The following STXBP5L variants were observed in gnomAD, a reference collection of about 807,000 sequenced individuals.
The protein encoded by STXBP5L is syntaxin binding protein 5L.
A neutral mutation model predicts 144.5 loss-of-function variants in STXBP5L; 65 were observed. The observed-to-expected ratio is 0.45, with a 90% confidence interval of 0.37 to 0.55. The LOEUF (loss-of-function observed/expected upper bound fraction) is 0.55. Ranked by LOEUF, STXBP5L falls within the 20% of genes least tolerant of loss-of-function variation. The pLI is 0.00. For synonymous variants in STXBP5L, 505 were observed against 469.6 expected (o/e 1.08, Z -0.97); for missense variants, 1,298 against 1,405.5 (o/e 0.92, Z 1.22).
In STXBP5L at chr3:121,386,290, G is replaced by C. The variant is rs546950166; in HGVS notation, c.2587+4758G>C. Among the ~76,000 whole-genome samples the C allele has an allele frequency of 3.9e-5, 6 of 152,136 alleles. No homozygotes were observed. In the East Asian group the frequency reaches 9.7e-4, roughly 24 times the overall value. On this transcript the variant is annotated intron_variant, in intron 22 of 26. Coordinates refer to ENST00000471454, the MANE Select transcript of STXBP5L (RefSeq NM_001308330.2). Reference sequence around the variant, plus strand: ...TATGTTCAAGTGTACCCATTGTTTAGCTCCACCTTATAAGTGAGAACATGT... The same window carrying C: ...TATGTTCAAGTGTACCCATTGTTTACCTCCACCTTATAAGTGAGAACATGT...
intron 19 of STXBP5L, among the ~76,000 whole-genome samples, chr3:121,280,947 A>G (rs527237829): frequency 1.3e-5 from 2 of 151,046 alleles, no homozygotes; most frequent in African/African-American, 4.8e-5. Context: ...AAATTTTTTA[A>G]TAAGTAAATA....
chr3:120,968,433 T>A (rs990483842), intron 3 of STXBP5L, among the ~76,000 whole-genome samples: 5 of 152,198 alleles, frequency 3.3e-5, no homozygotes, highest in Non-Finnish European at 7.4e-5. Flanking sequence ...TGCTGTATGT[T>A]GGCTTCCATT....
intron 12 of STXBP5L, among the ~76,000 whole-genome samples, chr3:121,235,945 G>T (rs1161542260): frequency 1.3e-5 from 2 of 151,818 alleles, no homozygotes; most frequent in Admixed American, 6.6e-5. Context: ...TTTGTAACAA[G>T]CACCTCCTAC....
intron 22 of STXBP5L, among the ~76,000 whole-genome samples, chr3:121,393,114 A>G (rs1487039679): frequency 6.6e-6 from 1 of 151,670 alleles, no homozygotes; most frequent in African/African-American, 2.4e-5. Context: ...TTTTATTAAT[A>G]GCCATTCTGA....
intron 14 of STXBP5L, among the ~76,000 whole-genome samples, chr3:121,245,678 C>T (rs1010492141): frequency 4.6e-5 from 7 of 152,020 alleles, no homozygotes; most frequent in Admixed American, 2.0e-4. Flanking sequence ...AAGTCAATAA[C>T]TCACAAGGGA....
intron 20 of STXBP5L, among the ~76,000 whole-genome samples, chr3:121,335,523 A>G (rs1467980102): frequency 6.6e-6 from 1 of 152,156 alleles, no homozygotes; most frequent in Non-Finnish European, 1.5e-5. Context: ...ACAAAACTGG[A>G]AGCATCATGT....
chr3:121,020,851 A>T (rs891764346), intron 3 of STXBP5L, among the ~76,000 whole-genome samples: 2 of 53,464 alleles, frequency 3.7e-5, no homozygotes. Context: ...CAATACAATG[A>T]AAAAAAAAAA....
intron 7 of STXBP5L, among the ~76,000 whole-genome samples, chr3:121,132,537 G>A (rs1482890110): frequency 2.0e-5 from 3 of 152,202 alleles, no homozygotes; most frequent in Non-Finnish European, 4.4e-5. Flanking sequence ...ACTTCTCTAT[G>A]AGAACATTTC....
chr3:121,020,718 A>G (rs1330918253), intron 3 of STXBP5L, among the ~76,000 whole-genome samples: 2 of 152,138 alleles, frequency 1.3e-5, no homozygotes, highest in East Asian at 3.9e-4. Context: ...TTCTGAGAGA[A>G]TTTGCCACTA....
chr3:121,303,009 A>G (rs1345009322), intron 19 of STXBP5L, among the ~76,000 whole-genome samples: 1 of 152,260 alleles, frequency 6.6e-6, no homozygotes, highest in African/African-American at 2.4e-5. Flanking sequence ...AGCAATGGCA[A>G]CAAAAGCCAA....
intron 9 of STXBP5L, among the ~76,000 whole-genome samples, chr3:121,181,371 A>C (rs1461102212): frequency 6.6e-6 from 1 of 151,610 alleles, no homozygotes; most frequent in Non-Finnish European, 1.5e-5. Context: ...CTCACATCTC[A>C]ATACTAACAT....
At chr3:121,068,574 T>G (rs1451752971) in intron 5 of STXBP5L, among the ~76,000 whole-genome samples, 1 of 152,138 alleles carries the variant, frequency 6.6e-6, no homozygotes, top group African/African-American at 2.4e-5. Context: ...AGCATTTCTT[T>G]TACCACTTCT....
chr3:121,085,797 A>G (rs1488640428), intron 5 of STXBP5L, among the ~76,000 whole-genome samples: 1 of 152,152 alleles, frequency 6.6e-6, no homozygotes, highest in Non-Finnish European at 1.5e-5. Flanking sequence ...TATTATTGAC[A>G]TTCTTCACAT....
intron 20 of STXBP5L, among the ~76,000 whole-genome samples, chr3:121,322,347 G>A (rs187894970): frequency 5.3e-4 from 81 of 152,060 alleles, no homozygotes; most frequent in African/African-American, 1.9e-3. Flanking sequence ...GTGTGGTGGT[G>A]CATGCCTGCA....
intron 14 of STXBP5L, 92 bp from the exon 15 acceptor site, chr3:121,250,631 G>A: frequency 9.7e-7 from 1 of 1,033,720 alleles, no homozygotes; most frequent in Non-Finnish European, 1.4e-6. Flanking sequence ...AATCAAAATT[G>A]TATCAACAGT....
intron 3 of STXBP5L, among the ~76,000 whole-genome samples, chr3:121,028,291 G>A (rs1946099224): frequency 6.6e-6 from 1 of 151,902 alleles, no homozygotes; most frequent in African/African-American, 2.4e-5. Flanking sequence ...AACTTTTTCA[G>A]GCTATAGCAG....
At chr3:120,982,674 C>A (rs1366804180) in intron 3 of STXBP5L, among the ~76,000 whole-genome samples, 1 of 152,284 alleles carries the variant, frequency 6.6e-6, no homozygotes, top group South Asian at 2.1e-4. Context: ...AGGAACACTG[C>A]TGCTTTGTAT....
intron 5 of STXBP5L, among the ~76,000 whole-genome samples, chr3:121,101,597 C>A (rs145090172): frequency 6.6e-6 from 1 of 151,992 alleles, no homozygotes; most frequent in Non-Finnish European, 1.5e-5. Context: ...ATGGTAAGAG[C>A]TATTTATGAT....
At chr3:121,162,135 T>C (rs2046343731) in intron 9 of STXBP5L, among the ~76,000 whole-genome samples, 1 of 152,134 alleles carries the variant, frequency 6.6e-6, no homozygotes, top group Non-Finnish European at 1.5e-5. Context: ...AATGTACATG[T>C]GAAGTATTAT....
Sources: gnomAD v4.1 joint callset for allele counts (sites outside exome capture counted in the v4.1 genomes callset) on GRCh38, gnomAD v4.1.1 for gene constraint, MANE v1.5 for transcripts, NCBI Gene and HGNC (gene_info 2026-07-23, HGNC 2026-07-21) for gene names.